The following AUTS2 variants were observed in gnomAD, a reference collection of about 807,000 sequenced individuals.
The protein encoded by AUTS2 is activator of transcription and developmental regulator AUTS2, also known as autism susceptibility gene 2 protein.
Under a neutral mutation model 112.4 loss-of-function variants are expected in AUTS2, and 17 were observed. The ratio of observed to expected loss-of-function variants is 0.15; its 90% CI spans 0.10 to 0.23. The LOEUF is 0.23. AUTS2 is among the 10% of genes least tolerant of loss of function. AUTS2 has a pLI of 1.00. For synonymous variants in AUTS2, 751 were observed against 702.7 expected, an observed-to-expected ratio of 1.07 and a Z score of -1.09; for missense variants, 1,510 against 1,701.6, an observed-to-expected ratio of 0.89 and a Z score of 1.98.
intron 1 of AUTS2, among the ~76,000 whole-genome samples, chr7:69,658,766 T>G (rs1366462794): frequency 6.6e-6 from 1 of 152,244 alleles, no homozygotes; most frequent in East Asian, 1.9e-4. Flanking sequence ...TCAGTATCTT[T>G]GTAGGCTCTT....
At chr7:70,095,392 A>G (rs951996750) in intron 2 of AUTS2, among the ~76,000 whole-genome samples, 3 of 152,152 alleles carry the variant, frequency 2.0e-5, no homozygotes, top group Non-Finnish European at 4.4e-5. Context: ...AGCCTGCCTG[A>G]TGGTCCTTTT....
At chr7:70,457,909 G>A (rs1172294761) in intron 5 of AUTS2, among the ~76,000 whole-genome samples, 1 of 152,106 alleles carries the variant, frequency 6.6e-6, no homozygotes, top group African/African-American at 2.4e-5. Context: ...GGGGAACAGA[G>A]GGTTTTGCTG....
intron 1 of AUTS2, among the ~76,000 whole-genome samples, chr7:69,875,307 G>A (rs909506438): frequency 2.0e-5 from 3 of 152,144 alleles, no homozygotes; most frequent in Admixed American, 2.0e-4. Flanking sequence ...GTATCTAAAT[G>A]GTACTAGTTT....
At chr7:70,397,257 G>T (rs1037800156) in intron 4 of AUTS2, among the ~76,000 whole-genome samples, 1 of 151,746 alleles carries the variant, frequency 6.6e-6, no homozygotes, top group Non-Finnish European at 1.5e-5. Flanking sequence ...TAGAAACAGG[G>T]TTTCACCATG....
intron 4 of AUTS2, among the ~76,000 whole-genome samples, chr7:70,403,716 G>A (rs578016961): frequency 6.6e-5 from 10 of 152,282 alleles, no homozygotes; most frequent in Non-Finnish European, 1.0e-4. Flanking sequence ...GAGCAGAGCC[G>A]CAAAAGAATA....
chr7:70,088,815 T>A (rs533663917), intron 2 of AUTS2, among the ~76,000 whole-genome samples: 1 of 152,048 alleles, frequency 6.6e-6, no homozygotes, highest in Non-Finnish European at 1.5e-5. Context: ...GGTTTCACAA[T>A]GTTGGCCAGG....
chr7:70,404,292 G>T (rs1220064573), intron 4 of AUTS2, among the ~76,000 whole-genome samples: 1 of 152,166 alleles, frequency 6.6e-6, no homozygotes, highest in Non-Finnish European at 1.5e-5. Context: ...AATAGAGATT[G>T]CTGGCTTGTC....
At chr7:70,013,227 C>T (rs1312092177) in intron 2 of AUTS2, among the ~76,000 whole-genome samples, 1 of 152,096 alleles carries the variant, frequency 6.6e-6, no homozygotes, top group Non-Finnish European at 1.5e-5. Flanking sequence ...TGCTTCCTTT[C>T]CTAAAGCTGA....
intron 4 of AUTS2, among the ~76,000 whole-genome samples, chr7:70,265,284 A>G (rs1787363323): frequency 6.6e-6 from 1 of 152,204 alleles, no homozygotes; most frequent in South Asian, 2.1e-4. Flanking sequence ...GATGGTGGTG[A>G]GGCTGTCCCC....
At chr7:69,867,709 C>A (rs1793297662) in intron 1 of AUTS2, among the ~76,000 whole-genome samples, 1 of 152,094 alleles carries the variant, frequency 6.6e-6, no homozygotes, top group Non-Finnish European at 1.5e-5. Context: ...GAGTGCGTGG[C>A]AAAAATCTTC....
intron 7 of AUTS2, 67 bp from the exon 8 acceptor site, chr7:70,764,685 T>G (rs1789800278): frequency 1.4e-6 from 1 of 696,872 alleles, no homozygotes; most frequent in Non-Finnish European, 2.7e-6. Context: ...GGTAGGATTC[T>G]TTTAAAGAGA....
intron 4 of AUTS2, among the ~76,000 whole-genome samples, chr7:70,135,818 A>G (rs1806527986): frequency 6.6e-6 from 1 of 152,170 alleles, no homozygotes; most frequent in South Asian, 2.1e-4. Flanking sequence ...AGCAGTCGAA[A>G]TAACAGACGT....
Position 69,636,675 on chromosome 7 carries a change from A to G in AUTS2, c.309+36713A>G, listed in dbSNP as rs892054439. ...CTGTTTTCATGTGTTGTTTTTACAA[A>G]ATGGGAACACAGCATACAAACTGTT... On this transcript the variant is annotated intron_variant, in intron 1 of 18. Coordinates refer to ENST00000342771, the MANE Select transcript of AUTS2 (RefSeq NM_015570.4). Among the ~76,000 whole-genome samples, 8 of 152,246 alleles carry G rather than the reference A, an allele frequency of 5.3e-5. No homozygotes were observed. The South Asian group carries it at 1.7e-3, about 32-fold the overall frequency.
At chr7:70,496,758 C>CCA (rs1798545013) in intron 5 of AUTS2, among the ~76,000 whole-genome samples, 1 of 142,126 alleles carries the variant, frequency 7.0e-6, no homozygotes. Context: ...ATCACACACC[C>CCA]CACTCACACC....
intron 1 of AUTS2, among the ~76,000 whole-genome samples, chr7:69,832,400 T>C (rs1210121935): frequency 6.6e-6 from 1 of 152,162 alleles, no homozygotes; most frequent in Non-Finnish European, 1.5e-5. Context: ...GCAGTTGCTC[T>C]ATACATGACC....
chr7:70,065,030 A>G (rs958042056), intron 2 of AUTS2, among the ~76,000 whole-genome samples: 1 of 152,174 alleles, frequency 6.6e-6, no homozygotes, highest in Admixed American at 6.5e-5. Context: ...AAATGATTGA[A>G]CAAACAAAGG....
chr7:69,686,168 ATTTCCCCAGGAGATAG>A (rs1388959720), intron 1 of AUTS2, among the ~76,000 whole-genome samples: 2 of 152,182 alleles, frequency 1.3e-5, no homozygotes, highest in Non-Finnish European at 2.9e-5. Context: ...GATAAAATGA[ATTTCCCCAGGAGATAG>A]TTTCCCAAGT....
At chr7:69,680,831 A>G (rs1168301237) in intron 1 of AUTS2, among the ~76,000 whole-genome samples, 2 of 151,952 alleles carry the variant, frequency 1.3e-5, no homozygotes. Context: ...CACCATACCC[A>G]GCTAATTTTT....
intron 5 of AUTS2, among the ~76,000 whole-genome samples, chr7:70,625,385 G>A (rs958583646): frequency 6.6e-6 from 1 of 152,096 alleles, no homozygotes; most frequent in African/African-American, 2.4e-5. Flanking sequence ...TTTCCTCCAC[G>A]TGTTCAACCT....
Sources: gnomAD v4.1 joint callset for allele counts (sites outside exome capture counted in the v4.1 genomes callset) on GRCh38, gnomAD v4.1.1 for gene constraint, MANE v1.5 for transcripts, NCBI Gene and HGNC (gene_info 2026-07-23, HGNC 2026-07-21) for gene names.